The following LPP variants were observed in gnomAD, a reference collection of about 807,000 sequenced individuals.
The protein encoded by LPP is LIM domain containing preferred translocation partner in lipoma.
LPP carries 38 observed loss-of-function variants against 60.4 expected under a neutral mutation model. The ratio of observed to expected loss-of-function variants is 0.63; its 90% CI spans 0.49 to 0.83. The LOEUF (loss-of-function observed/expected upper bound fraction) is 0.83, where lower values mean the gene tolerates loss of function less well. LPP is among the 40% of genes least tolerant of loss of function. LPP has a pLI of 0.00. For missense variants in LPP, 902 were observed against 783.6 expected (o/e 1.15, Z -1.80); for synonymous variants, 328 against 290.8 (o/e 1.13, Z -1.30).
intron 6 of LPP, among the ~76,000 whole-genome samples, chr3:188,585,410 A>C (rs886480505): frequency 2.6e-5 from 4 of 152,218 alleles, no homozygotes; most frequent in African/African-American, 9.6e-5. Flanking sequence ...TTGAAGGCTG[A>C]CTTCTGAGCT....
Position 188,768,581 on chromosome 3 carries a change from A to T in LPP, c.1410+8299A>T, listed in dbSNP as rs1051583864. On this transcript the variant is annotated intron_variant, in intron 9 of 11. Transcript: ENST00000617246. ...TTAATAAAATTTTTCATGCATTCAT[A>T]TTTAAAAACAAAAACAATGGCAATG... 2.6e-5 allele frequency among the ~76,000 whole-genome samples: 4 copies of T among 152,190 alleles called. No homozygotes were observed. The East Asian group carries it at 7.7e-4, about 29-fold the overall frequency.
At chr3:188,562,968 G>A (rs1173859418) in intron 6 of LPP, among the ~76,000 whole-genome samples, 1 of 151,918 alleles carries the variant, frequency 6.6e-6, no homozygotes, top group African/African-American at 2.4e-5. Context: ...CTTGAGATTT[G>A]TGGAGTGCCT....
At chr3:188,212,050 G>C (rs1240541833) in intron 1 of LPP, among the ~76,000 whole-genome samples, 2 of 152,058 alleles carry the variant, frequency 1.3e-5, no homozygotes, top group Non-Finnish European at 2.9e-5. Flanking sequence ...GTAGAGACCA[G>C]TTTTCACCAT....
At chr3:188,364,027 A>G (rs1770366888) in intron 3 of LPP, among the ~76,000 whole-genome samples, 1 of 152,120 alleles carries the variant, frequency 6.6e-6, no homozygotes, top group African/African-American at 2.4e-5. Flanking sequence ...TTTGAAGGCA[A>G]TGCCATTTGC....
chr3:188,846,683 C>CA (rs34230552), intron 9 of LPP, among the ~76,000 whole-genome samples: 8,920 of 84,244 alleles, frequency 0.11, 533 homozygotes, highest in African/African-American at 0.18. Context: ...GATTCCATCT[C>CA]AAAAAAAAAA....
intron 9 of LPP, among the ~76,000 whole-genome samples, chr3:188,856,071 C>T (rs552798008): frequency 1.3e-5 from 2 of 152,086 alleles, no homozygotes; most frequent in Non-Finnish European, 2.9e-5. Context: ...GCTTCACAGG[C>T]GTGGGTACCA....
chr3:188,391,808 G>T (rs1274930248), intron 3 of LPP, among the ~76,000 whole-genome samples: 2 of 151,648 alleles, frequency 1.3e-5, no homozygotes, highest in Non-Finnish European at 2.9e-5. Context: ...TTTTTGTCAC[G>T]GCTGCTTTTT....
intron 6 of LPP, among the ~76,000 whole-genome samples, chr3:188,599,751 GGTGTGTGTGTGTGTGT>G (rs71169011): frequency 1.4e-5 from 2 of 139,828 alleles, no homozygotes; most frequent in Non-Finnish European, 3.1e-5. Context: ...ACTCGTTAGG[GGTGTGTGTGTGTGTGT>G]GTGTGTGTGT....
intron 1 of LPP, among the ~76,000 whole-genome samples, chr3:188,220,405 G>A (rs1715338648): frequency 6.6e-6 from 1 of 152,170 alleles, no homozygotes; most frequent in Admixed American, 6.5e-5. Flanking sequence ...CAAGGGCAGG[G>A]AGGGCATTGC....
intron 4 of LPP, among the ~76,000 whole-genome samples, chr3:188,439,876 A>G (rs1016463155): frequency 3.3e-5 from 5 of 152,198 alleles, no homozygotes; most frequent in Non-Finnish European, 5.9e-5. Context: ...AAAGGAATCA[A>G]TCTGTAACCG....
chr3:188,320,038 A>G (rs1756472739), intron 2 of LPP, among the ~76,000 whole-genome samples: 1 of 152,216 alleles, frequency 6.6e-6, no homozygotes, highest in African/African-American at 2.4e-5. Flanking sequence ...TCATGATTAA[A>G]TTGGGGTTTT....
At chr3:188,205,277 CTTTT>C (rs34713244) in intron 1 of LPP, among the ~76,000 whole-genome samples, 1 of 103,414 alleles carries the variant, frequency 9.7e-6, no homozygotes, top group African/African-American at 3.7e-5. Context: ...AGATTATAAT[CTTTT>C]TTTTTTTTTT....
chr3:188,753,064 T>C (rs1446754262), intron 8 of LPP, among the ~76,000 whole-genome samples: 1 of 152,202 alleles, frequency 6.6e-6, no homozygotes, highest in Non-Finnish European at 1.5e-5. Flanking sequence ...GATTGAATTG[T>C]ATACATAGAA....
chr3:188,460,133 C>A (rs1798667023), intron 4 of LPP, among the ~76,000 whole-genome samples: 1 of 152,096 alleles, frequency 6.6e-6, no homozygotes, highest in Admixed American at 6.6e-5. Context: ...GATTTACAGA[C>A]ATCTTTCTAT....
At chr3:188,233,180 C>T (rs1321909007) in intron 2 of LPP, among the ~76,000 whole-genome samples, 8 of 152,190 alleles carry the variant, frequency 5.3e-5, no homozygotes, top group Non-Finnish European at 1.2e-4. Flanking sequence ...GGCCTAACTA[C>T]AAACATCATA....
intron 2 of LPP, among the ~76,000 whole-genome samples, chr3:188,229,122 A>C: frequency 6.6e-6 from 1 of 152,308 alleles, no homozygotes; most frequent in Admixed American, 6.5e-5. Context: ...TGCAGGTTAA[A>C]ATTGAAATAG....
intron 6 of LPP, among the ~76,000 whole-genome samples, chr3:188,532,438 A>C (rs1041486478): frequency 6.6e-6 from 1 of 152,158 alleles, no homozygotes; most frequent in African/African-American, 2.4e-5. Context: ...CAATCAATCA[A>C]TCAATCAATC....
intron 9 of LPP, among the ~76,000 whole-genome samples, chr3:188,776,413 T>C (rs1408410615): frequency 1.3e-5 from 2 of 152,190 alleles, no homozygotes; most frequent in African/African-American, 4.8e-5. Context: ...AATCAGCCTC[T>C]TGTTCAGTAA....
intron 7 of LPP, among the ~76,000 whole-genome samples, chr3:188,636,786 C>G (rs1393045094): frequency 1.3e-5 from 2 of 151,932 alleles, no homozygotes; most frequent in East Asian, 3.9e-4. Flanking sequence ...AGGCACCCCC[C>G]TGCAGGGGCA....
Sources: gnomAD v4.1 joint callset for allele counts (sites outside exome capture counted in the v4.1 genomes callset) on GRCh38, gnomAD v4.1.1 for gene constraint, MANE v1.5 for transcripts, NCBI Gene and HGNC (gene_info 2026-07-23, HGNC 2026-07-21) for gene names.